The following SGPP2 variants were observed in gnomAD, a reference collection of about 807,000 sequenced individuals.
SGPP2 encodes sphingosine-1-phosphate phosphatase 2.
Under a neutral mutation model 33.9 loss-of-function variants are expected in SGPP2, and 30 were observed. The observed-to-expected ratio is 0.89, with a 90% CI of 0.66 to 1.20. SGPP2 has a LOEUF of 1.20. Among genes scored for constraint, SGPP2 ranks in the 50% most tolerant of loss-of-function variants. SGPP2 has a pLI of 0.00. For missense variants in SGPP2, 458 were observed against 532.1 expected (o/e 0.86, Z 1.37); for synonymous variants, 233 against 225.0 (o/e 1.04, Z -0.32).
intron 2 of SGPP2, among the ~76,000 whole-genome samples, chr2:222,507,152 G>A (rs1009057660): frequency 3.9e-5 from 6 of 152,300 alleles, no homozygotes; most frequent in East Asian, 1.9e-4. Context: ...GTGATTTAGT[G>A]AAGATGATTG....
chr2:222,508,170 C>T (rs1017543763), intron 2 of SGPP2, among the ~76,000 whole-genome samples: 2 of 152,212 alleles, frequency 1.3e-5, no homozygotes, highest in African/African-American at 4.8e-5. Flanking sequence ...GCCCCAAGGA[C>T]ACTCAGCGTC....
At chr2:222,431,887 A>G (rs1262922219) in intron 1 of SGPP2, among the ~76,000 whole-genome samples, 2 of 152,204 alleles carry the variant, frequency 1.3e-5, no homozygotes, top group African/African-American at 4.8e-5. Context: ...AGCTGGCTGA[A>G]GCAGTCCATC....
rs1162244225 is a variant in SGPP2 at position 222,558,726 on chromosome 2, A to C, written c.1028A>C (p.Gln343Pro). The C allele has an allele frequency of 3.7e-6, 6 of 1,614,074 alleles. No homozygotes were observed. In the African/African-American group the frequency reaches 8.0e-5, roughly 22 times the overall value. The stretch of plus-strand genomic sequence containing the variant: ...ATCCTCTTGGTTCGTCAGCTTGTAC[A>C]AAATCTCTCACTGCAAGTATTATAC... ...VLILLVRQLV[Q>P]NLSLQVLYSW... is the part of the protein sequence containing the mutation. The change falls in exon 5 of 5, where the codon CAA becomes CCA. Residue 343 changes from glutamine to proline, a missense_variant. By Grantham distance (76) the Gln-to-Pro change is moderately conservative (BLOSUM62 -1). Transcript: ENST00000321276.
chr2:222,504,779 G>T (rs1038542018), intron 2 of SGPP2: 3 of 152,240 alleles, frequency 2.0e-5, no homozygotes, highest in Non-Finnish European at 4.4e-5. Flanking sequence ...ATCCACTTTG[G>T]AAGCAGCCTG....
chr2:222,475,937 C>T (rs1697926509), intron 2 of SGPP2, among the ~76,000 whole-genome samples: 1 of 152,166 alleles, frequency 6.6e-6, no homozygotes, highest in South Asian at 2.1e-4. Context: ...CTAGAGTGTG[C>T]ACAGAGCTCT....
chr2:222,553,978 G>C (rs1467704259), intron 4 of SGPP2, among the ~76,000 whole-genome samples: 2 of 152,146 alleles, frequency 1.3e-5, no homozygotes, highest in Non-Finnish European at 2.9e-5. Flanking sequence ...TCAGGGGTGA[G>C]ATTTTATCAC....
At chr2:222,480,261 A>G (rs1412586476) in intron 2 of SGPP2, among the ~76,000 whole-genome samples, 1 of 152,208 alleles carries the variant, frequency 6.6e-6, no homozygotes, top group African/African-American at 2.4e-5. Context: ...CTTTTTTGCT[A>G]AATTCCTCAT....
chr2:222,427,446 A>G (rs575818102), intron 1 of SGPP2, among the ~76,000 whole-genome samples: 3 of 151,618 alleles, frequency 2.0e-5, no homozygotes, highest in East Asian at 1.9e-4. Context: ...TGTTGTTGTT[A>G]TTGTTGTTTT....
At chr2:222,463,826 T>G (rs1697701443) in intron 1 of SGPP2, among the ~76,000 whole-genome samples, 1 of 152,216 alleles carries the variant, frequency 6.6e-6, no homozygotes, top group Admixed American at 6.5e-5. Flanking sequence ...AAAACTTTAT[T>G]TATGCCTGAA....
chr2:222,540,984 AT>A (rs1253050923), intron 4 of SGPP2, among the ~76,000 whole-genome samples: 5 of 151,574 alleles, frequency 3.3e-5, no homozygotes, highest in African/African-American at 1.2e-4. Flanking sequence ...TGCCCGGCTA[AT>A]TTTTTGTATT....
chr2:222,453,910 T>C (rs12471655), intron 1 of SGPP2, among the ~76,000 whole-genome samples: 118,364 of 152,070 alleles, frequency 0.78, 46,207 homozygotes, highest in Middle Eastern at 0.9. Context: ...GGAGGCACAG[T>C]GAGATTAACT....
chr2:222,434,903 G>A (rs527688503), intron 1 of SGPP2, among the ~76,000 whole-genome samples: 2 of 151,360 alleles, frequency 1.3e-5, no homozygotes, highest in East Asian at 2.0e-4. Context: ...ACAAATGGAA[G>A]GAGCCTCTGT....
intron 1 of SGPP2, among the ~76,000 whole-genome samples, chr2:222,443,073 C>T (rs1697350075): frequency 6.6e-6 from 1 of 152,144 alleles, no homozygotes; most frequent in Non-Finnish European, 1.5e-5. Context: ...GCTTCCTCCT[C>T]TAAAAAACTG....
At chr2:222,519,863 G>T (rs1406604723) in intron 2 of SGPP2, among the ~76,000 whole-genome samples, 1 of 152,192 alleles carries the variant, frequency 6.6e-6, no homozygotes, top group Non-Finnish European at 1.5e-5. Context: ...TTTTATGGCT[G>T]TGTAGTATTC....
At chr2:222,443,981 A>C (rs1271718095) in intron 1 of SGPP2, among the ~76,000 whole-genome samples, 1 of 152,192 alleles carries the variant, frequency 6.6e-6, no homozygotes, top group Non-Finnish European at 1.5e-5. Context: ...TGCTGAACAC[A>C]TGGTATTTGG....
chr2:222,463,591 G>A (rs2106086432), intron 1 of SGPP2, among the ~76,000 whole-genome samples: 1 of 152,302 alleles, frequency 6.6e-6, no homozygotes, highest in South Asian at 2.1e-4. Flanking sequence ...TTTTGCTTCA[G>A]CCTCCTTCTC....
intron 2 of SGPP2, among the ~76,000 whole-genome samples, chr2:222,474,931 G>C (rs1422147814): frequency 6.6e-6 from 1 of 151,892 alleles, no homozygotes; most frequent in South Asian, 2.1e-4. Context: ...TTGTAGAAAG[G>C]TAAGCTGGGG....
At position 222,488,847 on chromosome 2, in the gene SGPP2, TG is replaced by T. The variant is rs369545736; in HGVS notation, c.378+14122del. ...TTAATAGAAACAGATGTTAGGTTTT[TG>T]TTCCTTTTAAAATTAAATTTCTTCT... is the stretch of plus-strand genomic sequence containing the variant. On this transcript the variant is annotated intron_variant, in intron 2 of 4. Transcript: ENST00000321276. Among the ~76,000 whole-genome samples the T allele has an allele frequency of 2.6e-4, 40 of 152,340 alleles. No homozygotes were observed. The South Asian group carries it at 7.9e-3, about 30-fold the overall frequency.
chr2:222,429,825 T>C (rs1697124362), intron 1 of SGPP2, among the ~76,000 whole-genome samples: 1 of 152,230 alleles, frequency 6.6e-6, no homozygotes, highest in African/African-American at 2.4e-5. Flanking sequence ...CGAATTGCCC[T>C]ACAGGAAGAG....
Sources: allele counts gnomAD v4.1 joint callset (sites outside exome capture counted in the v4.1 genomes callset), GRCh38; gene constraint gnomAD v4.1.1; transcripts MANE v1.5; gene names NCBI Gene and HGNC (gene_info 2026-07-23, HGNC 2026-07-21).